CALN1: variants seen among roughly 807,000 people sequenced by gnomAD.
The protein encoded by CALN1 is calneuron 1, also known as calcium-binding protein 8.
Under a neutral mutation model 30.6 loss-of-function variants are expected in CALN1, and 17 were observed. The ratio of observed to expected loss-of-function variants is 0.56; its 90% CI spans 0.38 to 0.83. CALN1 has a LOEUF of 0.83. Ranked by LOEUF, CALN1 falls within the 40% of genes least tolerant of loss-of-function variation. CALN1 has a pLI of 0.00. For missense variants in CALN1, 291 were observed against 354.9 expected, an observed-to-expected ratio of 0.82 and a Z score of 1.45; for synonymous variants, 156 against 131.4, an observed-to-expected ratio of 1.19 and a Z score of -1.28.
At chr7:71,812,923 CATCATCATTATT>C (rs1788041667) in intron 5 of CALN1, among the ~76,000 whole-genome samples, 2 of 81,972 alleles carry the variant, frequency 2.4e-5, no homozygotes, top group African/African-American at 7.0e-5. Flanking sequence ...TATTTATCAT[CATCATCATTATT>C]ATTATTATTA....
intron 3 of CALN1, among the ~76,000 whole-genome samples, chr7:72,277,987 A>G (rs1175204381): frequency 3.8e-5 from 5 of 129,946 alleles, no homozygotes; most frequent in Non-Finnish European, 1.6e-5. Flanking sequence ...CATCAGGCCA[A>G]ATCAACCTAA....
intron 5 of CALN1, among the ~76,000 whole-genome samples, chr7:71,849,002 C>T (rs985456688): frequency 6.6e-6 from 1 of 151,996 alleles, no homozygotes; most frequent in East Asian, 1.9e-4. Context: ...GGTGGCTTTC[C>T]CCATGTGAGG....
chr7:72,354,105 T>C (rs1412691458), intron 2 of CALN1, among the ~76,000 whole-genome samples: 1 of 152,122 alleles, frequency 6.6e-6, no homozygotes, highest in Non-Finnish European at 1.5e-5. Flanking sequence ...GAGAATCACT[T>C]GAACCCAAGA....
chr7:72,372,293 A>C (rs1292961199), intron 2 of CALN1, among the ~76,000 whole-genome samples: 1 of 152,128 alleles, frequency 6.6e-6, no homozygotes, highest in East Asian at 1.9e-4. Flanking sequence ...CAGTAAGATA[A>C]TATGTGGTCC....
intron 5 of CALN1, among the ~76,000 whole-genome samples, chr7:71,817,923 T>C (rs1788362802): frequency 6.6e-6 from 1 of 152,154 alleles, no homozygotes; most frequent in Admixed American, 6.6e-5. Flanking sequence ...AGTAGCATAT[T>C]GAAGTCTGTG....
intron 3 of CALN1, among the ~76,000 whole-genome samples, chr7:72,272,060 A>C (rs1301903153): frequency 7.5e-5 from 2 of 26,524 alleles, no homozygotes; most frequent in East Asian, 1.1e-3. Context: ...AGATTCTGTC[A>C]AAAAAAAAAA....
chr7:71,996,264 A>T (rs1205924522), intron 5 of CALN1, among the ~76,000 whole-genome samples: 1 of 152,236 alleles, frequency 6.6e-6, no homozygotes, highest in African/African-American at 2.4e-5. Context: ...AATATCTGCG[A>T]TAATAATAGA....
chr7:72,199,696 A>T (rs1791284671), intron 3 of CALN1, among the ~76,000 whole-genome samples: 1 of 152,154 alleles, frequency 6.6e-6, no homozygotes, highest in Non-Finnish European at 1.5e-5. Context: ...ATATTTAAAA[A>T]ATTAGCCAGG....
In CALN1 at chr7:72,271,575, A is replaced by AAAAAAATATATATATATATATAT; in HGVS notation, c.244+7110_244+7111insATATATATATATATATATTTTTT. Among the ~76,000 whole-genome samples the AAAAAAATATATATATATATATAT allele has an allele frequency of 2.1e-3, 107 of 52,108 alleles. 1 individual carries two copies. Among genetic ancestry groups the AAAAAAATATATATATATATATAT allele is most frequent in the Non-Finnish European group, 2.7e-3 (88 of 32,360 alleles). The allele number at this position is 52,108 out of a possible 152,430, so 34.2% of individuals were successfully genotyped here. ...CTGTGCCTGCCTTTTAAAAAAAAAA[A>AAAAAAATATATATATATATATAT]ATATATATATATATATATAGTTTTC... is the stretch of plus-strand genomic sequence containing the variant. On this transcript the variant is annotated intron_variant, in intron 3 of 6. Transcript: ENST00000395275.
At position 72,004,473 on chromosome 7, in the gene CALN1, T is replaced by C. The variant is rs75305588; in HGVS notation, c.501+19184A>G. On this transcript the variant is annotated intron_variant, in intron 5 of 6. Transcript: ENST00000395275. ...GGAGAAAATCTTCAGTATCTAGGGC[T>C]AGGCAGAGTTCTTAGACTTGACACT... is the stretch of plus-strand genomic sequence containing the variant. Among the ~76,000 whole-genome samples, 436 of 152,318 alleles carry C rather than the reference T, an allele frequency of 2.9e-3. 6 individuals carry two copies. The East Asian group carries it at 0.029, about 10-fold the overall frequency.
chr7:72,156,373 T>G (rs186379721), intron 3 of CALN1, among the ~76,000 whole-genome samples: 3 of 152,312 alleles, frequency 2.0e-5, no homozygotes, highest in African/African-American at 7.2e-5. Context: ...AAGAGCCCCC[T>G]GTATCTTCAG....
At chr7:72,209,623 T>C (rs1301640095) in intron 3 of CALN1, among the ~76,000 whole-genome samples, 1 of 152,062 alleles carries the variant, frequency 6.6e-6, no homozygotes, top group East Asian at 1.9e-4. Context: ...TGTGTATCAC[T>C]GCAGTCAATA....
At chr7:72,431,543 G>A (rs981291742) in intron 1 of CALN1, among the ~76,000 whole-genome samples, 8 of 152,160 alleles carry the variant, frequency 5.3e-5, no homozygotes, top group Non-Finnish European at 7.4e-5. Flanking sequence ...TAATCTAAGC[G>A]CTAAGTCAGA....
At chr7:72,035,304 C>A (rs561119112) in intron 4 of CALN1, among the ~76,000 whole-genome samples, 29 of 152,246 alleles carry the variant, frequency 1.9e-4, no homozygotes, top group African/African-American at 6.7e-4. Flanking sequence ...CCCCTGATGA[C>A]CACCATTCTA....
At chr7:72,193,829 G>A (rs991385702) in intron 3 of CALN1, among the ~76,000 whole-genome samples, 2 of 152,176 alleles carry the variant, frequency 1.3e-5, no homozygotes, top group African/African-American at 4.8e-5. Flanking sequence ...TGGAATTGGA[G>A]ACCATTATTC....
chr7:72,489,608 A>T, the CALN1 span, among the ~76,000 whole-genome samples: 1 of 152,078 alleles, frequency 6.6e-6, no homozygotes, highest in East Asian at 1.9e-4. Flanking sequence ...AAGAGCCTTT[A>T]TTTCATGTTC....
At chr7:72,361,892 T>C (rs918632826) in intron 2 of CALN1, among the ~76,000 whole-genome samples, 34 of 152,200 alleles carry the variant, frequency 2.2e-4, no homozygotes, top group Admixed American at 2.1e-3. Flanking sequence ...ATACATGTAA[T>C]ATCCATTACA....
In CALN1 at chr7:71,904,915, T is replaced by G. The variant is rs1794048335; in HGVS notation, c.502-94423A>C. Among the ~76,000 whole-genome samples the G allele has an allele frequency of 2.6e-5, 4 of 151,312 alleles. No homozygotes were observed. The South Asian group carries it at 8.3e-4, about 32-fold the overall frequency. On this transcript the variant is annotated intron_variant, in intron 5 of 6. Coordinates refer to ENST00000395275, the MANE Select transcript of CALN1 (RefSeq NM_031468.4). Reference sequence around the variant, plus strand: ...TATGGTTTTGGCTTAGAATTATATTTTGTTGTTTTTGTTCTTAATTTCTTT... The same window carrying G: ...TATGGTTTTGGCTTAGAATTATATTGTGTTGTTTTTGTTCTTAATTTCTTT...
At chr7:72,068,807 A>G (rs1049979686) in intron 4 of CALN1, among the ~76,000 whole-genome samples, 7 of 152,062 alleles carry the variant, frequency 4.6e-5, no homozygotes, top group African/African-American at 1.7e-4. Flanking sequence ...CATTTTGCAT[A>G]TTTTTTGTTG....
Sources: gnomAD v4.1 joint callset for allele counts (sites outside exome capture counted in the v4.1 genomes callset) on GRCh38, gnomAD v4.1.1 for gene constraint, MANE v1.5 for transcripts, NCBI Gene and HGNC (gene_info 2026-07-23, HGNC 2026-07-21) for gene names.